Variants in TUBE1 observed in about 807,000 individuals in gnomAD.
TUBE1 encodes tubulin epsilon 1.
TUBE1 carries 34 observed loss-of-function variants against 53.5 expected under a neutral mutation model. That is an observed-to-expected ratio of 0.64 (90% CI 0.48 to 0.85). The LOEUF (loss-of-function observed/expected upper bound fraction) is 0.85. TUBE1 is among the 40% of genes least tolerant of loss of function. The pLI, the probability that TUBE1 is intolerant of heterozygous loss-of-function variation, is 0.00. For synonymous variants in TUBE1, 177 were observed against 198.4 expected, an observed-to-expected ratio of 0.89 and a Z score of 0.91; for missense variants, 532 against 570.5, an observed-to-expected ratio of 0.93 and a Z score of 0.69.
At chr6:112,082,623 C>T (rs1562605651) in intron 4 of TUBE1, among the ~76,000 whole-genome samples, 1 of 152,160 alleles carries the variant, frequency 6.6e-6, no homozygotes, top group South Asian at 2.1e-4. Flanking sequence ...ATAACTCTTC[C>T]AGACCTCCCT....
In TUBE1 at chr6:112,081,198, T is replaced by C. The variant is rs1554316720; in HGVS notation, c.220A>G (p.Ile74Val). 2 of 1,577,042 alleles carry C rather than the reference T, an allele frequency of 1.3e-6. No homozygotes were observed. The highest frequency in any genetic ancestry group is 1.7e-6 in the Non-Finnish European group (2 of 1,151,854). The change falls in exon 5 of 12, where the codon ATT becomes GTT. Residue 74 changes from isoleucine to valine, a missense_variant. Physicochemically the swap from Ile to Val is conservative, Grantham distance 29. Transcript: ENST00000368662. The stretch of plus-strand genomic sequence containing the variant: ...TTCACTACCCCTTCTTCCATATCAA[T>C]CAAGACTGCCTGAGAAAGAAAAATA... ...ICSLKARAVL[I>V]DMEEGVVNEI...
chr6:112,071,755 A>G (rs1776869654), intron 11 of TUBE1, 147 bp downstream of exon 11: 1 of 945,048 alleles, frequency 1.1e-6, no homozygotes. Flanking sequence ...TAAAAGTAGC[A>G]TGAGTAAGCC....
chr6:112,078,014 A>C (rs1212566586), intron 6 of TUBE1: 1 of 152,076 alleles, frequency 6.6e-6, no homozygotes, highest in African/African-American at 2.4e-5. Context: ...AAAGATGCTC[A>C]ACCTTTCTTC....
Position 112,087,253 on chromosome 6 carries a change from C to T in TUBE1, c.79G>A (p.Glu27Lys). 6.4e-7 allele frequency: 1 copy of T among 1,551,492 alleles called. No individual in the cohort carries two copies. The highest frequency in any genetic ancestry group is 8.7e-7 in the Non-Finnish European group (1 of 1,147,068). The change falls in exon 2 of 12, where the codon GAG becomes AAG. Residue 27 changes from glutamate (E) to lysine (K), a missense_variant. Transcript: ENST00000368662. ...GGTACCTGGTTGACCGCGGCGTGCT[C>T]CCTTAGTGCCAGGTCCCAGAAGCAG... ...GCCFWDLALREHAAVNQKGIY... is the reference protein window; with the variant it reads ...GCCFWDLALRKHAAVNQKGIY...
intron 6 of TUBE1, chr6:112,077,730 C>T (rs1272899898): frequency 1.3e-5 from 2 of 151,464 alleles, no homozygotes; most frequent in East Asian, 1.9e-4. Flanking sequence ...ACTTTCTAAG[C>T]GTCACAAAAA....
At chr6:112,085,976 T>C (rs1460049896) in intron 3 of TUBE1, among the ~76,000 whole-genome samples, 9 of 152,224 alleles carry the variant, frequency 5.9e-5, no homozygotes, top group African/African-American at 2.2e-4. Flanking sequence ...CTGATGTTCC[T>C]ATTGGATTAA....
Position 112,074,721 on chromosome 6 carries a change from A to G in TUBE1, c.942T>C (p.Ile314=). The G allele has an allele frequency of 6.5e-7, 1 of 1,533,000 alleles. No individual in the cohort carries two copies. 95.0% of individuals were successfully genotyped at this position (1,533,000 alleles called of 1,614,324 possible). A position where few individuals can be genotyped will look rare whatever the true frequency, so the allele number is the denominator to read the frequency against. Residue 314 remains isoleucine (I), a synonymous_variant, in exon 9 of 12, where the codon ATT becomes ATC. Transcript: ENST00000368662. The part of the protein sequence containing the change: ...TPLYTLTDVN[I]PPRRLDQMFS... ...AAGTTACACCTTACCTTCTAGGAGG[A>G]ATGTTAACATCTGTCAGTGTATACA...
Position 112,084,107 on chromosome 6 carries a change from A to G in TUBE1, c.210+82T>C, listed in dbSNP as rs1777112582. ...ATTTTTTTCTACTTTGAAAAGTTTA[A>G]AGTTTTATTCTCATGATAGTTACTG... On this transcript the variant is annotated intron_variant, in intron 4 of 11. Transcript: ENST00000368662. 8.6e-6 allele frequency: 10 copies of G among 1,156,596 alleles called. No individual in the cohort carries two copies. In the South Asian group the frequency reaches 1.3e-4, roughly 16 times the overall value. The allele number at this position is 1,156,596 out of a possible 1,614,324, so 71.6% of individuals were successfully genotyped here.
chr6:112,071,548 T>G lies in TUBE1; in HGVS notation c.1292A>C (p.Gln431Pro). ...KKKAHLHHYL[Q>P]VEGMEESCFT... Reference sequence around the variant, plus strand: ...ACAGCTTTCTTCCATCCCTTCAACTTGTAGATAGTGATGAAGGTGAGCCTA... The same window carrying G: ...ACAGCTTTCTTCCATCCCTTCAACTGGTAGATAGTGATGAAGGTGAGCCTA... Residue 431 changes from glutamine (Q) to proline (P), a missense_variant, in exon 12 of 12, where the codon CAA (glutamine) becomes CCA (proline). Transcript: ENST00000368662. 1 of 1,610,594 alleles carries G rather than the reference T, an allele frequency of 6.2e-7. No homozygotes were observed.
intron 1 of TUBE1, 47 bp downstream of exon 1, chr6:112,087,363 G>A: frequency 1.9e-6 from 3 of 1,551,256 alleles, no homozygotes; most frequent in Non-Finnish European, 2.6e-6. Flanking sequence ...AAACATGGCC[G>A]CTGGATTCCG....
Position 112,072,831 on chromosome 6 carries a change from T to A in TUBE1, c.1021A>T (p.Ser341Cys), listed in dbSNP as rs782545237. The change falls in exon 10 of 12, where the codon AGT (serine) becomes TGT (cysteine). Residue 341 changes from serine to cysteine, a missense_variant. Coordinates refer to ENST00000368662, the MANE Select transcript of TUBE1 (RefSeq NM_016262.5). Reference protein sequence around the residue: ...HQLLRADPKHSLYLACALMVR... With the variant: ...HQLLRADPKHCLYLACALMVR... ...ATGAGTGCACAGGCGAGGTAAAGAC[T>A]GTGTTTGGGGTCTGCCCGAAGCAGC... The A allele has an allele frequency of 1.2e-6, 2 of 1,613,620 alleles. No homozygotes were observed. The highest frequency in any genetic ancestry group is 2.7e-5 in the African/African-American group (2 of 74,916).
At chr6:112,071,831 T>C (rs1776871216) in intron 11 of TUBE1, 71 bp downstream of exon 11, 1 of 1,407,626 alleles carries the variant, frequency 7.1e-7, no homozygotes, top group Non-Finnish European at 9.6e-7. Context: ...TTTGTAATAG[T>C]GTAATTTTTA....
In TUBE1 at chr6:112,072,699, A is replaced by G; in HGVS notation, c.1094+59T>C. On this transcript the variant is annotated intron_variant, in intron 10 of 11. Coordinates refer to ENST00000368662, the MANE Select transcript of TUBE1 (RefSeq NM_016262.5). ...TTTGAAGGGCGGCTGTTAACTAACT[A>G]CTATGCCACACTGTCCCAAGCAGCA... 8 of 1,553,966 alleles carry G rather than the reference A, an allele frequency of 5.1e-6. No individual in the cohort carries two copies. The South Asian group carries it at 9.5e-5, about 18-fold the overall frequency.
chr6:112,079,920 T>C (rs189277195), intron 5 of TUBE1, among the ~76,000 whole-genome samples, 166 bp from the exon 6 acceptor site: 3 of 151,972 alleles, frequency 2.0e-5, no homozygotes, highest in African/African-American at 4.8e-5. Context: ...ATCCTGAAGA[T>C]ACTAGATAGA....
intron 6 of TUBE1, chr6:112,076,734 T>A: frequency 2.9e-6 from 1 of 345,276 alleles, no homozygotes; most frequent in Non-Finnish European, 5.2e-6. Context: ...CACGCCTGGC[T>A]AACTTTTTAA....
intron 3 of TUBE1, 60 bp downstream of exon 3, chr6:112,086,496 C>G: frequency 7.6e-7 from 1 of 1,310,972 alleles, no homozygotes; most frequent in African/African-American, 1.5e-5. Flanking sequence ...TTGAAGAATT[C>G]TCTCCCAAGC....
chr6:112,079,780 A>G, intron 5 of TUBE1, 26 bp from the exon 6 acceptor site: 2 of 1,586,618 alleles, frequency 1.3e-6, no homozygotes, highest in Non-Finnish European at 1.7e-6. Context: ...TGGATTTTAA[A>G]AATTCCTTGC....
intron 6 of TUBE1, chr6:112,076,779 G>A (rs4532477): frequency 4.5e-6 from 1 of 222,134 alleles, no homozygotes; most frequent in Admixed American, 5.7e-5. Flanking sequence ...ATGTTGCCCA[G>A]GCTGGTCTTG....
chr6:112,077,900 C>T (rs1199390369), intron 6 of TUBE1: 1 of 151,896 alleles, frequency 6.6e-6, no homozygotes, highest in Non-Finnish European at 1.5e-5. Context: ...AGAAAGAGTT[C>T]CCACAAATCA....
Sources: allele counts gnomAD v4.1 joint callset (sites outside exome capture counted in the v4.1 genomes callset), GRCh38; gene constraint gnomAD v4.1.1; transcripts MANE v1.5; gene names NCBI Gene and HGNC (gene_info 2026-07-23, HGNC 2026-07-21).